Variants in MAGI2 observed in about 807,000 individuals in gnomAD.
MAGI2 encodes the protein membrane associated guanylate kinase, WW and PDZ domain containing 2, also known as membrane-associated guanylate kinase, WW and PDZ domain-containing protein 2.
In MAGI2, 35 loss-of-function variants were observed where a neutral mutation model predicts 133.3. That is an observed-to-expected ratio of 0.26 (90% CI 0.20 to 0.35). The LOEUF (loss-of-function observed/expected upper bound fraction) is 0.35. Ranked by LOEUF, MAGI2 falls within the 10% of genes least tolerant of loss-of-function variation. The pLI is 1.00. For synonymous variants in MAGI2, 729 were observed against 710.6 expected (o/e 1.03, Z -0.41); for missense variants, 1,636 against 1,863.4 (o/e 0.88, Z 2.25).
chr7:79,310,462 TG>T (rs1201810773), intron 1 of MAGI2, among the ~76,000 whole-genome samples: 2 of 152,148 alleles, frequency 1.3e-5, no homozygotes, highest in African/African-American at 4.8e-5. Context: ...TTGATATGCC[TG>T]GGATCCAGAG....
At chr7:79,059,248 A>G (rs1271239307) in intron 1 of MAGI2, among the ~76,000 whole-genome samples, 2 of 151,962 alleles carry the variant, frequency 1.3e-5, no homozygotes, top group African/African-American at 4.8e-5. Flanking sequence ...TGATTTTTTA[A>G]TATATGTTTC....
chr7:78,700,544 C>G (rs1817960748), intron 2 of MAGI2, among the ~76,000 whole-genome samples: 1 of 152,094 alleles, frequency 6.6e-6, no homozygotes, highest in African/African-American at 2.4e-5. Flanking sequence ...AAAAGTCCAT[C>G]TGACAGTGTT....
intron 21 of MAGI2, among the ~76,000 whole-genome samples, chr7:78,070,160 T>TAC (rs1484073918): frequency 5.8e-4 from 30 of 51,668 alleles, no homozygotes; most frequent in African/African-American, 1.9e-3. Context: ...CACACATATA[T>TAC]ATACACACAC....
intron 1 of MAGI2, among the ~76,000 whole-genome samples, chr7:79,016,457 T>C (rs1419171855): frequency 6.6e-6 from 1 of 152,072 alleles, no homozygotes; most frequent in Non-Finnish European, 1.5e-5. Flanking sequence ...ACTTGACCAG[T>C]AAACAGCTCC....
intron 2 of MAGI2, among the ~76,000 whole-genome samples, chr7:78,912,686 G>A (rs1039585773): frequency 1.3e-5 from 2 of 149,842 alleles, no homozygotes; most frequent in Non-Finnish European, 3.0e-5. Flanking sequence ...CCTTGTGTTC[G>A]TGTGAGTTAA....
chr7:79,420,120 C>G (rs1329865116), intron 1 of MAGI2, among the ~76,000 whole-genome samples: 1 of 152,048 alleles, frequency 6.6e-6, no homozygotes, highest in Non-Finnish European at 1.5e-5. Context: ...TGAGTAGAAA[C>G]CATGCTCTGT....
intron 3 of MAGI2, among the ~76,000 whole-genome samples, chr7:78,586,610 A>C (rs1393674904): frequency 6.6e-6 from 1 of 152,162 alleles, no homozygotes; most frequent in African/African-American, 2.4e-5. Flanking sequence ...ATTGTTTTTA[A>C]GTATACTATT....
chr7:79,296,340 T>C (rs989802206), intron 1 of MAGI2, among the ~76,000 whole-genome samples: 16 of 152,192 alleles, frequency 1.1e-4, no homozygotes, highest in African/African-American at 3.1e-4. Context: ...TGGGTATATA[T>C]CTGAAAGAAA....
Position 79,330,761 on chromosome 7 carries a change from T to A in MAGI2, c.301+122259A>T, listed in dbSNP as rs540415467. On this transcript the variant is annotated intron_variant, in intron 1 of 21. Coordinates refer to ENST00000354212, the MANE Select transcript of MAGI2 (RefSeq NM_012301.4). ...ATTGTTGTGAGGATTAAATTATACATAATATATAATAACATATTAAACATA... is the reference window on the plus strand; with the variant it reads ...ATTGTTGTGAGGATTAAATTATACAAAATATATAATAACATATTAAACATA... 3.9e-5 allele frequency among the ~76,000 whole-genome samples: 6 copies of A among 152,198 alleles called. No individual in the cohort carries two copies. In the South Asian group the frequency reaches 1.0e-3, roughly 26 times the overall value.
intron 1 of MAGI2, among the ~76,000 whole-genome samples, chr7:79,296,297 T>C (rs1305739147): frequency 1.3e-5 from 2 of 152,194 alleles, no homozygotes; most frequent in East Asian, 1.9e-4. Flanking sequence ...AATTTGAAGA[T>C]AGAACTACCA....
intron 2 of MAGI2, among the ~76,000 whole-genome samples, chr7:78,831,982 G>T (rs944364274): frequency 6.6e-6 from 1 of 152,156 alleles, no homozygotes; most frequent in African/African-American, 2.4e-5. Context: ...TTTTTAGGCT[G>T]TCATTACCTG....
chr7:79,416,724 TC>T (rs1453021460), intron 1 of MAGI2, among the ~76,000 whole-genome samples: 3 of 131,330 alleles, frequency 2.3e-5, no homozygotes, highest in East Asian at 2.2e-4. Flanking sequence ...CTTTTCTTTT[TC>T]TTTTTCTTTT....
At chr7:79,162,133 T>G (rs1824429584) in intron 1 of MAGI2, among the ~76,000 whole-genome samples, 2 of 152,082 alleles carry the variant, frequency 1.3e-5, no homozygotes, top group South Asian at 4.1e-4. Context: ...CCTAAGTTGT[T>G]TTTTCGATCA....
intron 7 of MAGI2, among the ~76,000 whole-genome samples, chr7:78,348,183 G>A (rs1269227159): frequency 3.3e-5 from 5 of 152,134 alleles, no homozygotes; most frequent in Admixed American, 3.3e-4. Context: ...CTTTCCACGA[G>A]AGATTCAGTA....
At chr7:78,596,107 A>G (rs1484500013) in intron 3 of MAGI2, among the ~76,000 whole-genome samples, 7 of 148,682 alleles carry the variant, frequency 4.7e-5, no homozygotes, top group East Asian at 2.0e-4. Flanking sequence ...ATAAATGTCC[A>G]TATTAGGAAG....
At chr7:78,826,093 C>G (rs1790602993) in intron 2 of MAGI2, among the ~76,000 whole-genome samples, 1 of 151,982 alleles carries the variant, frequency 6.6e-6, no homozygotes, top group Non-Finnish European at 1.5e-5. Context: ...TGGCTCACAC[C>G]TGTAATCCCA....
At chr7:78,193,826 A>T (rs1351898510) in intron 12 of MAGI2, among the ~76,000 whole-genome samples, 1 of 150,980 alleles carries the variant, frequency 6.6e-6, no homozygotes, top group Non-Finnish European at 1.5e-5. Flanking sequence ...ATGGCTTGCC[A>T]TCCTAACTAT....
At chr7:78,217,384 A>C (rs906277771) in intron 10 of MAGI2, among the ~76,000 whole-genome samples, 8 of 152,134 alleles carry the variant, frequency 5.3e-5, no homozygotes, top group African/African-American at 1.9e-4. Flanking sequence ...CACAGTACCT[A>C]GTGTAGGGTA....
chr7:78,530,258 T>C (rs575971408), intron 3 of MAGI2, among the ~76,000 whole-genome samples: 1 of 152,358 alleles, frequency 6.6e-6, no homozygotes, highest in South Asian at 2.1e-4. Flanking sequence ...TCTTGTTTGA[T>C]TGCTTTGGTC....
Sources: allele counts gnomAD v4.1 joint callset (sites outside exome capture counted in the v4.1 genomes callset), GRCh38; gene constraint gnomAD v4.1.1; transcripts MANE v1.5; gene names NCBI Gene and HGNC (gene_info 2026-07-23, HGNC 2026-07-21).